The following LIMK2 variants were observed in gnomAD, a reference collection of about 807,000 sequenced individuals.
LIMK2 encodes the protein LIM domain kinase 2.
A neutral mutation model predicts 75.7 loss-of-function variants in LIMK2; 35 were observed. That is an observed-to-expected ratio of 0.46 (90% CI 0.35 to 0.61). The LOEUF is 0.61. LIMK2 is among the 20% of genes least tolerant of loss of function. The pLI is 0.00. For missense variants in LIMK2, 623 were observed against 831.0 expected (o/e 0.75, Z 3.08); for synonymous variants, 301 against 319.2 (o/e 0.94, Z 0.61).
intron 2 of LIMK2, chr22:31,248,857 A>G: frequency 7.2e-7 from 1 of 1,398,506 alleles, no homozygotes; most frequent in Non-Finnish European, 1.0e-6. Flanking sequence ...CTTCTCACTT[A>G]GTCCTTTACC....
rs1337481835 is a variant in LIMK2 at position 31,278,495 on chromosome 22, T to A, written c.*54T>A. On this transcript the variant is annotated 3_prime_UTR_variant, in exon 16 of 16. Transcript: ENST00000331728. The stretch of plus-strand genomic sequence containing the variant: ...TTCTACAGCCAGCATTGCCCCTCTG[T>A]GCCCCATTCCTGCTGTGAGCAGGGC... 9 of 1,531,808 alleles carry A rather than the reference T, an allele frequency of 5.9e-6. No individual in the cohort carries two copies. Among genetic ancestry groups the A allele is most frequent in the Non-Finnish European group, 7.9e-6 (9 of 1,142,146 alleles). The allele number at this position is 1,531,808 out of a possible 1,614,324, so 94.9% of individuals were successfully genotyped here.
intron 2 of LIMK2, among the ~76,000 whole-genome samples, chr22:31,241,540 A>G (rs972410165): frequency 2.0e-5 from 3 of 152,136 alleles, no homozygotes; most frequent in Non-Finnish European, 4.4e-5. Flanking sequence ...CCCTGCTCTG[A>G]CACAGCATTC....
intron 11 of LIMK2, 21 bp downstream of exon 11, chr22:31,268,221 T>TGCCA: frequency 6.2e-7 from 1 of 1,605,192 alleles, no homozygotes; most frequent in Non-Finnish European, 8.5e-7. Flanking sequence ...CCAACAAACC[T>TGCCA]GCCAGCAGGG....
chr22:31,272,073 G>GT (rs1477586588), intron 12 of LIMK2, among the ~76,000 whole-genome samples: 2 of 151,874 alleles, frequency 1.3e-5, no homozygotes, highest in African/African-American at 4.8e-5. Context: ...GTTTTGTTTT[G>GT]TTTTTTAGAT....
intron 13 of LIMK2, chr22:31,273,043 C>A: frequency 8.9e-7 from 1 of 1,122,518 alleles, no homozygotes; most frequent in Non-Finnish European, 1.1e-6. Context: ...AATGCTCAAA[C>A]CAACCAGAGA....
intron 5 of LIMK2, among the ~76,000 whole-genome samples, chr22:31,261,147 C>T (rs2048834495): frequency 6.6e-6 from 1 of 151,074 alleles, no homozygotes; most frequent in Non-Finnish European, 1.5e-5. Flanking sequence ...AAGACCCCGT[C>T]TCTGTTTTTC....
At position 31,278,727 on chromosome 22, in the gene LIMK2, C is replaced by A. The variant is rs955163667; in HGVS notation, c.*286C>A. On this transcript the variant is annotated 3_prime_UTR_variant, in exon 16 of 16. Transcript: ENST00000331728. ...CCTTTGGGCCAGGAGGAATCTGTTACTCGAATCCACCCAGGAACTCCCTGG... is the reference window on the plus strand; with the variant it reads ...CCTTTGGGCCAGGAGGAATCTGTTAATCGAATCCACCCAGGAACTCCCTGG... 3.9e-6 allele frequency: 1 copy of A among 258,498 alleles called. No individual in the cohort carries two copies. The highest frequency in any genetic ancestry group is 2.2e-5 in the African/African-American group (1 of 45,136). The allele number at this position is 258,498 out of a possible 1,614,324, so 16.0% of individuals were successfully genotyped here.
At position 31,212,339 on chromosome 22, in the gene LIMK2, A is replaced by C. The variant is rs2048353516; in HGVS notation, c.-70A>C. 7.7e-7 allele frequency: 1 copy of C among 1,305,630 alleles called. No homozygotes were observed. The highest frequency in any genetic ancestry group is 9.8e-7 in the Non-Finnish European group (1 of 1,016,582). The allele number at this position is 1,305,630 out of a possible 1,614,324, so 80.9% of individuals were successfully genotyped here. On this transcript the variant is annotated 5_prime_UTR_variant, in exon 1 of 16. Transcript: ENST00000331728. Reference sequence around the variant, plus strand: ...GGCGGCGGCGGCAGGAGCTGAGGGGAGTTGTAGGGAACTGAGGGGAGCTGC... The same window carrying C: ...GGCGGCGGCGGCAGGAGCTGAGGGGCGTTGTAGGGAACTGAGGGGAGCTGC...
At chr22:31,216,746 G>T (rs891165923) in intron 1 of LIMK2, among the ~76,000 whole-genome samples, 2 of 152,164 alleles carry the variant, frequency 1.3e-5, no homozygotes, top group Non-Finnish European at 2.9e-5. Flanking sequence ...ATTCATGGTG[G>T]ATTTTCTGCA....
chr22:31,240,895 C>T lies in LIMK2; in HGVS notation c.116+15076C>T, dbSNP rs532377163. Among the ~76,000 whole-genome samples the T allele has an allele frequency of 6.6e-5, 10 of 152,224 alleles. 2 individuals are homozygous for T. Among genetic ancestry groups the T allele is most frequent in the Admixed American group, 5.2e-4 (8 of 15,288 alleles). ...CACCAAACATTTATTTATTAAGCTA[C>T]GTTCAGGATAAGAAGATGAACAAGC... On this transcript the variant is annotated intron_variant, in intron 2 of 15. Coordinates refer to ENST00000331728, the MANE Select transcript of LIMK2 (RefSeq NM_005569.4).
chr22:31,275,238 G>A lies in LIMK2; in HGVS notation c.1702G>A (p.Val568Ile), dbSNP rs937213685. The stretch of plus-strand genomic sequence containing the variant: ...CGTGAAGCTTTTCTGGGAGAAGTTT[G>A]TTCCCACAGATTGTCCCCCGGCCTT... ...LNVKLFWEKFVPTDCPPAFFP... is the reference protein window; with the variant it reads ...LNVKLFWEKFIPTDCPPAFFP... The change falls in exon 15 of 16, where the codon GTT (valine) becomes ATT (isoleucine). Residue 568 changes from valine (V) to isoleucine (I), a missense_variant. Coordinates refer to ENST00000331728, the MANE Select transcript of LIMK2 (RefSeq NM_005569.4). 1 of 1,614,214 alleles carries A rather than the reference G, an allele frequency of 6.2e-7. No individual in the cohort carries two copies. The highest frequency in any genetic ancestry group is 2.2e-5 in the East Asian group (1 of 44,886).
intron 1 of LIMK2, among the ~76,000 whole-genome samples, chr22:31,212,916 T>G (rs1454029387): frequency 6.6e-6 from 1 of 152,110 alleles, no homozygotes; most frequent in East Asian, 1.9e-4. Context: ...AGGATGTGAC[T>G]TCCCTGCCAA....
At chr22:31,253,654 G>A (rs567292885) in intron 2 of LIMK2, among the ~76,000 whole-genome samples, 9 of 152,230 alleles carry the variant, frequency 5.9e-5, no homozygotes, top group Non-Finnish European at 1.0e-4. Context: ...TACAGTGGAT[G>A]TGGCTTTGCA....
chr22:31,277,950 T>G (rs756888803), intron 15 of LIMK2, among the ~76,000 whole-genome samples: 3 of 152,158 alleles, frequency 2.0e-5, no homozygotes, highest in Non-Finnish European at 2.9e-5. Flanking sequence ...TGAGCTGTCT[T>G]AGGCTTCCGG....
At chr22:31,260,150 C>T in intron 5 of LIMK2, 73 bp downstream of exon 5, 1 of 1,237,460 alleles carries the variant, frequency 8.1e-7, no homozygotes, top group South Asian at 1.5e-5. Context: ...GGGCTTAGAC[C>T]TCCAAAGTCT....
At chr22:31,274,482 C>T (rs1361331696) in intron 14 of LIMK2, among the ~76,000 whole-genome samples, 1 of 152,126 alleles carries the variant, frequency 6.6e-6, no homozygotes, top group East Asian at 1.9e-4. Flanking sequence ...CTCACTGCAG[C>T]CTCCGCCTCC....
chr22:31,226,201 ATTTT>A (rs2048476261), intron 2 of LIMK2, among the ~76,000 whole-genome samples: 1 of 151,052 alleles, frequency 6.6e-6, no homozygotes, highest in African/African-American at 2.4e-5. Flanking sequence ...ATTTTATTTT[ATTTT>A]ATTTTATTTT....
intron 2 of LIMK2, among the ~76,000 whole-genome samples, chr22:31,236,608 C>CAAAAAA (rs929179978): frequency 1.1e-5 from 1 of 91,056 alleles, no homozygotes; most frequent in Non-Finnish European, 2.3e-5. Flanking sequence ...GACCCTATCT[C>CAAAAAA]AAAAAAAAAA....
chr22:31,276,843 A>G, intron 15 of LIMK2: 1 of 1,611,996 alleles, frequency 6.2e-7, no homozygotes, highest in East Asian at 2.2e-5. Flanking sequence ...ATGAGGGCCC[A>G]GTGAGGCGCC....
Sources: allele counts gnomAD v4.1 joint callset (sites outside exome capture counted in the v4.1 genomes callset), GRCh38; gene constraint gnomAD v4.1.1; transcripts MANE v1.5; gene names NCBI Gene and HGNC (gene_info 2026-07-23, HGNC 2026-07-21).